Variants in FIG4 observed in about 807,000 individuals in gnomAD.
The protein encoded by FIG4 is FIG4 phosphoinositide 5-phosphatase, also known as polyphosphoinositide phosphatase.
Under a neutral mutation model 118.6 loss-of-function variants are expected in FIG4, and 112 were observed. The ratio of observed to expected loss-of-function variants is 0.94; its 90% confidence interval spans 0.81 to 1.11. FIG4 has a LOEUF of 1.11. Among genes scored for constraint, FIG4 ranks in the 50% least tolerant of loss-of-function variants. The pLI, the probability that FIG4 is intolerant of heterozygous loss-of-function variation, is 0.00. For missense variants in FIG4, 969 were observed against 1,111.7 expected, an observed-to-expected ratio of 0.87 and a Z score of 1.83; for synonymous variants, 369 against 381.2, an observed-to-expected ratio of 0.97 and a Z score of 0.37.
chr6:109,751,601 T>G (rs1776698112), intron 10 of FIG4, among the ~76,000 whole-genome samples: 1 of 152,166 alleles, frequency 6.6e-6, no homozygotes. Context: ...AACTTGTTAT[T>G]GGTTTATTCA....
intron 1 of FIG4, among the ~76,000 whole-genome samples, chr6:109,705,492 G>C (rs564947450): frequency 6.6e-6 from 1 of 152,168 alleles, no homozygotes; most frequent in Non-Finnish European, 1.5e-5. Flanking sequence ...GAGAGAATGC[G>C]GGTAGGTATA....
intron 21 of FIG4, among the ~76,000 whole-genome samples, chr6:109,793,574 A>G (rs970552593): frequency 2.6e-5 from 4 of 152,234 alleles, no homozygotes; most frequent in African/African-American, 9.6e-5. Context: ...AGCTTAATAC[A>G]TGGATTTAGA....
At chr6:109,691,915 C>T (rs1338109861) in intron 1 of FIG4, among the ~76,000 whole-genome samples, 2 of 152,126 alleles carry the variant, frequency 1.3e-5, no homozygotes, top group Non-Finnish European at 2.9e-5. Context: ...TTATTTTTTC[C>T]TATTCCATGG....
At position 109,747,822 on chromosome 6, in the gene FIG4, A is replaced by G. The variant is rs190752776; in HGVS notation, c.1137+4050A>G. On this transcript the variant is annotated intron_variant, in intron 10 of 22. Transcript: ENST00000230124. ...TATTTTTGAGGCATGGTCGTGCTCT[A>G]TCACTTAGGCTGGAGTGCAGTGGCA... Among the ~76,000 whole-genome samples, 7 of 152,216 alleles carry G rather than the reference A, an allele frequency of 4.6e-5. No homozygotes were observed. The South Asian group carries it at 6.2e-4, about 14-fold the overall frequency.
chr6:109,752,161 C>T (rs1490807049), intron 10 of FIG4, among the ~76,000 whole-genome samples: 1 of 151,964 alleles, frequency 6.6e-6, no homozygotes, highest in African/African-American at 2.4e-5. Flanking sequence ...CTACAAAGGA[C>T]ATGAATTCAT....
At position 109,791,576 on chromosome 6, in the gene FIG4, G is replaced by A. The variant is rs528952794; in HGVS notation, c.2376+5G>A. On this transcript the variant is annotated splice_donor_5th_base_variant and intron_variant, in intron 20 of 22. Coordinates refer to ENST00000230124, the MANE Select transcript of FIG4 (RefSeq NM_014845.6). ...GACAGTGCCAAAGTGACCGAGGTGCGGGGGAGGGAAGCCTGTGGCATCCAG... is the reference window on the plus strand; with the variant it reads ...GACAGTGCCAAAGTGACCGAGGTGCAGGGGAGGGAAGCCTGTGGCATCCAG... 1.3e-5 allele frequency: 21 copies of A among 1,613,212 alleles called. No homozygotes were observed. Among genetic ancestry groups the A allele is most frequent in the Admixed American group, 1.2e-4 (7 of 60,008 alleles).
intron 22 of FIG4, among the ~76,000 whole-genome samples, chr6:109,821,575 C>CAAGT (rs1411612574): frequency 1.3e-5 from 2 of 152,108 alleles, no homozygotes; most frequent in Non-Finnish European, 2.9e-5. Context: ...GATGAAGTGT[C>CAAGT]AAGTGATAAT....
chr6:109,697,421 TC>T (rs1562632929), intron 1 of FIG4, among the ~76,000 whole-genome samples: 1 of 152,178 alleles, frequency 6.6e-6, no homozygotes, highest in Non-Finnish European at 1.5e-5. Flanking sequence ...CAGATTTACT[TC>T]CCAAATAGCT....
At chr6:109,720,235 TATG>T (rs1775565059) in intron 3 of FIG4, among the ~76,000 whole-genome samples, 1 of 152,242 alleles carries the variant, frequency 6.6e-6, no homozygotes, top group Non-Finnish European at 1.5e-5. Context: ...AATAAAAGTC[TATG>T]ATTTTTCTAG....
chr6:109,756,941 A>C (rs985458109), intron 10 of FIG4, among the ~76,000 whole-genome samples: 2 of 152,172 alleles, frequency 1.3e-5, no homozygotes, highest in Non-Finnish European at 2.9e-5. Flanking sequence ...CAACTCGTCA[A>C]AGTCATTCTC....
chr6:109,699,480 C>A (rs368925363), intron 1 of FIG4, among the ~76,000 whole-genome samples: 2 of 149,552 alleles, frequency 1.3e-5, no homozygotes, highest in East Asian at 3.9e-4. Flanking sequence ...TTTCCTCATA[C>A]GCGGTTTTTT....
At chr6:109,761,408 T>C (rs556266713) in intron 11 of FIG4, among the ~76,000 whole-genome samples, 22 of 151,914 alleles carry the variant, frequency 1.4e-4, no homozygotes, top group South Asian at 2.1e-4. Flanking sequence ...TTTTTTGAGA[T>C]GGAGCCTCAC....
chr6:109,775,954 A>G (rs1164586050), intron 15 of FIG4, among the ~76,000 whole-genome samples: 4 of 152,200 alleles, frequency 2.6e-5, no homozygotes, highest in Non-Finnish European at 5.9e-5. Flanking sequence ...TAATAATGTT[A>G]CCTTGTTCCA....
At chr6:109,812,610 A>G (rs879456956) in intron 22 of FIG4, among the ~76,000 whole-genome samples, 2 of 152,210 alleles carry the variant, frequency 1.3e-5, no homozygotes, top group African/African-American at 4.8e-5. Context: ...AATACAGAAA[A>G]ATGATTATTG....
chr6:109,794,704 G>A (rs938064755), intron 21 of FIG4, among the ~76,000 whole-genome samples: 2 of 152,186 alleles, frequency 1.3e-5, no homozygotes, highest in African/African-American at 2.4e-5. Flanking sequence ...GTAGTTCTGC[G>A]CTGAATTGGC....
intron 3 of FIG4, among the ~76,000 whole-genome samples, chr6:109,719,809 G>A (rs1775552331): frequency 1.3e-5 from 2 of 151,628 alleles, no homozygotes; most frequent in South Asian, 2.1e-4. Context: ...TTAATACTTT[G>A]GTCACCTTTT....
intron 8 of FIG4, 121 bp downstream of exon 8, chr6:109,741,665 T>G (rs1776327656): frequency 5.3e-6 from 4 of 755,602 alleles, no homozygotes; most frequent in Non-Finnish European, 9.4e-6. Flanking sequence ...ATCAAGAGAA[T>G]ACAGTTGCCT....
chr6:109,788,239 A>G lies in FIG4; in HGVS notation c.2097-1355A>G, dbSNP rs540868321. Among the ~76,000 whole-genome samples the G allele has an allele frequency of 1.4e-4, 21 of 152,312 alleles. 1 individual carries two copies. In the South Asian group the frequency reaches 4.4e-3, roughly 32 times the overall value. ...ATCTGTATATTGTTGATTTATTAAC[A>G]TAACACTCATGGCCAACAGCACTAT... On this transcript the variant is annotated intron_variant, in intron 18 of 22. Transcript: ENST00000230124.
At chr6:109,759,084 A>T (rs1777016734) in intron 10 of FIG4, among the ~76,000 whole-genome samples, 2 of 152,198 alleles carry the variant, frequency 1.3e-5, no homozygotes, top group Non-Finnish European at 2.9e-5. Flanking sequence ...TTGACCCAGC[A>T]ATCCCATTAC....
Sources: gnomAD v4.1 joint callset for allele counts (sites outside exome capture counted in the v4.1 genomes callset) on GRCh38, gnomAD v4.1.1 for gene constraint, MANE v1.5 for transcripts, NCBI Gene and HGNC (gene_info 2026-07-23, HGNC 2026-07-21) for gene names.